Variants in THSD7B observed in about 807,000 individuals in gnomAD.
THSD7B encodes thrombospondin type-1 domain-containing protein 7B.
Under a neutral mutation model 213.6 loss-of-function variants are expected in THSD7B, and 138 were observed. That is an observed-to-expected ratio of 0.65 (90% CI 0.56 to 0.74). The LOEUF (loss-of-function observed/expected upper bound fraction) is 0.74, where lower values mean the gene tolerates loss of function less well. Ranked by LOEUF, THSD7B falls within the 30% of genes least tolerant of loss-of-function variation. The pLI is 0.00. For missense variants in THSD7B, 1,931 were observed against 1,991.5 expected (o/e 0.97, Z 0.58); for synonymous variants, 742 against 687.0 (o/e 1.08, Z -1.25).
intron 3 of THSD7B, among the ~76,000 whole-genome samples, chr2:137,074,391 G>A (rs1025951241): frequency 1.3e-5 from 2 of 151,926 alleles, no homozygotes; most frequent in African/African-American, 4.8e-5. Context: ...TGTTTTATCC[G>A]AGACTAGGAT....
intron 15 of THSD7B, among the ~76,000 whole-genome samples, chr2:137,508,223 CTT>C (rs1679879769): frequency 6.6e-6 from 1 of 152,062 alleles, no homozygotes. Flanking sequence ...TTCTTTCTCT[CTT>C]TTTAAATTTC....
At chr2:137,002,760 C>CT (rs557818758) in intron 2 of THSD7B, among the ~76,000 whole-genome samples, 11 of 152,048 alleles carry the variant, frequency 7.2e-5, no homozygotes, top group East Asian at 3.8e-4. Context: ...CTGTTTTCCC[C>CT]TTTTTTTGCC....
chr2:137,183,102 T>C (rs1433623095), intron 7 of THSD7B, among the ~76,000 whole-genome samples: 1 of 152,192 alleles, frequency 6.6e-6, no homozygotes, highest in East Asian at 1.9e-4. Flanking sequence ...CAATTGATTA[T>C]CTCTCAGAGG....
chr2:136,989,290 A>G (rs1006684568), intron 2 of THSD7B, among the ~76,000 whole-genome samples: 1 of 152,178 alleles, frequency 6.6e-6, no homozygotes, highest in Non-Finnish European at 1.5e-5. Context: ...TGGAGGGCCT[A>G]GTGGGAGGTA....
At chr2:136,899,287 C>A (rs542754301) in intron 2 of THSD7B, among the ~76,000 whole-genome samples, 16 of 152,202 alleles carry the variant, frequency 1.1e-4, no homozygotes, top group African/African-American at 3.4e-4. Context: ...ATCATTTTTT[C>A]ATTTTCATAT....
chr2:137,187,434 G>A (rs1266716216), intron 7 of THSD7B, among the ~76,000 whole-genome samples: 3 of 152,150 alleles, frequency 2.0e-5, no homozygotes, highest in Non-Finnish European at 2.9e-5. Flanking sequence ...GGGATTAGAG[G>A]GCAGGAAGTG....
intron 15 of THSD7B, among the ~76,000 whole-genome samples, chr2:137,558,631 G>A (rs1441449644): frequency 6.6e-6 from 1 of 152,152 alleles, no homozygotes; most frequent in Non-Finnish European, 1.5e-5. Flanking sequence ...AAAACTGGAA[G>A]CATTCCCTTT....
chr2:137,403,855 G>T (rs1046208977), intron 12 of THSD7B, among the ~76,000 whole-genome samples: 35 of 152,250 alleles, frequency 2.3e-4, no homozygotes, highest in African/African-American at 8.4e-4. Context: ...GATGCTACTG[G>T]CATCTAATGG....
intron 14 of THSD7B, among the ~76,000 whole-genome samples, chr2:137,423,842 T>C (rs12990494): frequency 0.66 from 99,934 of 151,856 alleles, 33,738 homozygotes; most frequent in East Asian, 0.84. Context: ...ATGTGAGAGA[T>C]CAAGAATAGT....
At chr2:136,816,619 GGATA>G (rs1682479034) in intron 1 of THSD7B, among the ~76,000 whole-genome samples, 1 of 152,056 alleles carries the variant, frequency 6.6e-6, no homozygotes, top group Non-Finnish European at 1.5e-5. Context: ...AATTTCTTTA[GGATA>G]GATTTTTGCA....
intron 21 of THSD7B, among the ~76,000 whole-genome samples, chr2:137,653,580 G>T (rs1573767920): frequency 1.3e-5 from 2 of 149,872 alleles, no homozygotes; most frequent in South Asian, 4.3e-4. Context: ...GTCTTTTGGG[G>T]TAATTTTCTG....
At chr2:137,139,216 T>A (rs1030883653) in intron 5 of THSD7B, among the ~76,000 whole-genome samples, 2 of 152,210 alleles carry the variant, frequency 1.3e-5, no homozygotes, top group African/African-American at 4.8e-5. Flanking sequence ...TATGGACATG[T>A]TACTGCTGAT....
At chr2:137,172,568 A>C (rs544227772) in intron 7 of THSD7B, among the ~76,000 whole-genome samples, 1 of 152,326 alleles carries the variant, frequency 6.6e-6, no homozygotes, top group East Asian at 1.9e-4. Context: ...TCTTTTCCTC[A>C]TGAATCTCTT....
intron 1 of THSD7B, among the ~76,000 whole-genome samples, chr2:136,778,075 C>G (rs1681646739): frequency 6.6e-6 from 1 of 152,104 alleles, no homozygotes; most frequent in African/African-American, 2.4e-5. Flanking sequence ...ATAGAATATT[C>G]TGGTTGATGG....
At position 136,978,314 on chromosome 2, in the gene THSD7B, C is replaced by A. The variant is rs566503082; in HGVS notation, c.140-78106C>A. Among the ~76,000 whole-genome samples, 101 of 152,160 alleles carry A rather than the reference C, an allele frequency of 6.6e-4. 2 individuals are homozygous for A. The highest frequency in any genetic ancestry group is 1.8e-3 in the African/African-American group (76 of 41,520). On this transcript the variant is annotated intron_variant, in intron 2 of 27. Transcript: ENST00000409968. ...CAGATATCTATCAGTTCCATTTAAT[C>A]CAGAGCTGAGTTCAAGTCCTGAATA... is the stretch of plus-strand genomic sequence containing the variant.
intron 15 of THSD7B, among the ~76,000 whole-genome samples, chr2:137,482,387 ATT>A (rs1688327775): frequency 6.6e-6 from 1 of 152,204 alleles, no homozygotes; most frequent in East Asian, 1.9e-4. Context: ...ATAAAATTAA[ATT>A]TGTTTATTTA....
intron 3 of THSD7B, among the ~76,000 whole-genome samples, chr2:137,091,659 C>T (rs1037116810): frequency 3.9e-5 from 6 of 152,056 alleles, no homozygotes; most frequent in African/African-American, 1.5e-4. Context: ...TTCACATGGT[C>T]TTTCCTGTGT....
At chr2:137,413,179 C>T (rs377585547) in intron 14 of THSD7B, among the ~76,000 whole-genome samples, 23 of 152,168 alleles carry the variant, frequency 1.5e-4, no homozygotes, top group African/African-American at 4.8e-4. Flanking sequence ...GATTAGTCTA[C>T]ATTAATTTTT....
At chr2:137,463,861 A>G (rs915410314) in intron 15 of THSD7B, among the ~76,000 whole-genome samples, 17 of 152,094 alleles carry the variant, frequency 1.1e-4, no homozygotes, top group African/African-American at 3.9e-4. Context: ...TTTGCACTTT[A>G]TGTCAAAAAG....
Sources: allele counts gnomAD v4.1 joint callset (sites outside exome capture counted in the v4.1 genomes callset), GRCh38; gene constraint gnomAD v4.1.1; transcripts MANE v1.5; gene names NCBI Gene and HGNC (gene_info 2026-07-23, HGNC 2026-07-21).